Variants in ABCC12 observed in about 807,000 individuals in gnomAD.
ABCC12 encodes ATP-binding cassette sub-family C member 12.
In ABCC12, 142 loss-of-function variants were observed where a neutral mutation model predicts 151.1. The ratio of observed to expected loss-of-function variants is 0.94; its 90% CI spans 0.82 to 1.08. The LOEUF is 1.08. ABCC12 is among the 50% of genes least tolerant of loss of function. ABCC12 has a pLI of 0.00. For missense variants in ABCC12, 1,638 were observed against 1,691.1 expected (o/e 0.97, Z 0.55); for synonymous variants, 645 against 646.4 (o/e 1.00, Z 0.03).
At position 48,111,806 on chromosome 16, in the gene ABCC12, C is replaced by T. The variant is rs1465914304; in HGVS notation, c.2094G>A (p.Leu698=). The T allele has an allele frequency of 6.2e-7, 1 of 1,614,180 alleles. No individual in the cohort carries two copies. The highest frequency in any genetic ancestry group is 8.5e-7 in the Non-Finnish European group (1 of 1,180,004). Residue 698 remains leucine, a synonymous_variant, in exon 16 of 31, where the codon CTG becomes CTA. Coordinates refer to ENST00000311303, the MANE Select transcript of ABCC12 (RefSeq NM_001393797.1). ...ACTGCAATCCTCGCAGGTTGTGAATCAGTTTTGCATAGCGCCCTCTCTCCT... is the reference window on the plus strand; with the variant it reads ...ACTGCAATCCTCGCAGGTTGTGAATTAGTTTTGCATAGCGCCCTCTCTCCT... The part of the protein sequence containing the change: ...LMEERGRYAK[L]IHNLRGLQFK...
Position 48,128,664 on chromosome 16 carries a change from G to T in ABCC12, c.1310C>A (p.Ala437Glu), listed in dbSNP as rs1964320444. The change falls in exon 11 of 31, where the codon GCA becomes GAA. Residue 437 changes from alanine to glutamate, a missense_variant. Coordinates refer to ENST00000311303, the MANE Select transcript of ABCC12 (RefSeq NM_001393797.1). ...PEDPDTVLLL[A>E]NATLTWEHEA... ...ATGCTCCCATGTCAAGGTGGCATTTGCTAAAAGCAAGACAGTATCTGGGTC... is the reference window on the plus strand; with the variant it reads ...ATGCTCCCATGTCAAGGTGGCATTTTCTAAAAGCAAGACAGTATCTGGGTC... The T allele has an allele frequency of 6.2e-7, 1 of 1,614,062 alleles. No individual in the cohort carries two copies. The highest frequency in any genetic ancestry group is 8.5e-7 in the Non-Finnish European group (1 of 1,180,052).
chr16:48,111,509 T>C lies in ABCC12; in HGVS notation c.2210-2A>G, dbSNP rs755576309. On this transcript the variant is annotated splice_acceptor_variant, in intron 17 of 30. Transcript: ENST00000311303. LOFTEE classifies it high-confidence loss of function. The stretch of plus-strand genomic sequence containing the variant: ...CTTTCTCATTTCCTGGAGCCAAAAC[T>C]AGGGTGAGAAATAAAGAGAGATCTG... 1.2e-6 allele frequency: 2 copies of C among 1,614,142 alleles called. No individual in the cohort carries two copies. Among genetic ancestry groups the C allele is most frequent in the East Asian group, 2.2e-5 (1 of 44,882 alleles).
rs200002391 is a variant in ABCC12 at position 48,144,003 on chromosome 16, G to A, written c.182C>T (p.Thr61Met). ...CCGGTAGCCTTTCACCATCACCGGC[G>A]TGAGCCAGGAAAATGTGGCGAAGGA... ...LLSFATFSWL[T>M]PVMVKGYRQR... Residue 61 changes from threonine (T) to methionine (M), a missense_variant, in exon 4 of 31, where the codon ACG becomes ATG. Thr to Met is a moderately conservative substitution (Grantham distance 81). Transcript: ENST00000311303. 1.6e-4 allele frequency: 261 copies of A among 1,614,084 alleles called. No homozygotes were observed. The highest frequency in any genetic ancestry group is 6.7e-5 in the East Asian group (3 of 44,894).
chr16:48,087,797 C>T (rs1962683881), intron 27 of ABCC12, 129 bp downstream of exon 27: 4 of 1,006,900 alleles, frequency 4.0e-6, no homozygotes, highest in Non-Finnish European at 4.3e-6. Context: ...TTGTGAGCCC[C>T]CCTGGGATAC....
chr16:48,111,593 C>T lies in ABCC12; in HGVS notation c.2194G>A (p.Asp732Asn). The T allele has an allele frequency of 6.2e-7, 1 of 1,614,204 alleles. No homozygotes were observed. The highest frequency in any genetic ancestry group is 1.1e-5 in the South Asian group (1 of 91,088). Reference protein sequence around the residue: ...FKESPAEREEDAGIIVLAPGN... With the variant: ...FKESPAEREENAGIIVLAPGN... ...GGATTCTAACCGATTATACCAGCAT[C>T]TTCCTCTCTCTCAGCAGGGCTCTCC... Residue 732 changes from aspartate to asparagine, a missense_variant, in exon 17 of 31, where the codon GAT (aspartate) becomes AAT (asparagine). Asp to Asn is a conservative substitution (Grantham distance 23). Coordinates refer to ENST00000311303, the MANE Select transcript of ABCC12 (RefSeq NM_001393797.1).
intron 2 of ABCC12, among the ~76,000 whole-genome samples, chr16:48,150,461 T>C (rs1965102069): frequency 6.6e-6 from 1 of 152,198 alleles, no homozygotes; most frequent in Non-Finnish European, 1.5e-5. Context: ...ATAGCTCATA[T>C]GATAAATTGA....
chr16:48,093,033 A>G (rs1047625559), intron 24 of ABCC12, among the ~76,000 whole-genome samples: 3 of 152,120 alleles, frequency 2.0e-5, no homozygotes, highest in Non-Finnish European at 4.4e-5. Context: ...ATGGCTCTCA[A>G]CCTGCCCTAC....
chr16:48,132,528 T>A (rs1345974433), intron 9 of ABCC12, among the ~76,000 whole-genome samples: 1 of 152,182 alleles, frequency 6.6e-6, no homozygotes, highest in Non-Finnish European at 1.5e-5. Flanking sequence ...TCTCTCTCTC[T>A]CTCATTTTTT....
chr16:48,087,844 GCCCTGGGGACATCAC>G, intron 27 of ABCC12, 67 bp downstream of exon 27: 1 of 1,476,070 alleles, frequency 6.8e-7, no homozygotes, highest in East Asian at 2.3e-5. Flanking sequence ...GGCCAGCCAT[GCCCTGGGGACATCAC>G]AAAGTTCTTG....
At chr16:48,120,272 A>AGC (rs1964022487) in intron 13 of ABCC12, among the ~76,000 whole-genome samples, 1 of 152,224 alleles carries the variant, frequency 6.6e-6, no homozygotes, top group African/African-American at 2.4e-5. Flanking sequence ...AACCTTGGGT[A>AGC]TGCACAGACA....
At chr16:48,098,237 A>G (rs1597304923) in intron 23 of ABCC12, among the ~76,000 whole-genome samples, 1 of 152,194 alleles carries the variant, frequency 6.6e-6, no homozygotes, top group East Asian at 1.9e-4. Flanking sequence ...ACCATTAACC[A>G]AAAGAGACAT....
intron 29 of ABCC12, among the ~76,000 whole-genome samples, chr16:48,084,416 A>G (rs1042260174): frequency 6.6e-6 from 1 of 151,904 alleles, no homozygotes; most frequent in Non-Finnish European, 1.5e-5. Context: ...GAAGCACAGC[A>G]GCTCCTACAT....
At chr16:48,153,330 C>A (rs1163192322) in intron 2 of ABCC12, among the ~76,000 whole-genome samples, 1 of 151,908 alleles carries the variant, frequency 6.6e-6, no homozygotes, top group African/African-American at 2.4e-5. Context: ...AGTTTGAAAT[C>A]ATTACAAAAT....
At chr16:48,115,836 G>A (rs1441298684) in intron 14 of ABCC12, among the ~76,000 whole-genome samples, 1 of 152,196 alleles carries the variant, frequency 6.6e-6, no homozygotes, top group East Asian at 1.9e-4. Flanking sequence ...AGCCCAGTGG[G>A]CAGCGGCAAC....
chr16:48,132,515 T>TTC (rs546494578), intron 9 of ABCC12, among the ~76,000 whole-genome samples: 30 of 151,766 alleles, frequency 2.0e-4, no homozygotes, highest in African/African-American at 5.3e-4. Context: ...GCTTATTTCC[T>TTC]TCTCTCTCTC....
rs539587986 is a variant in ABCC12, at chr16:48,098,819, G to T, written c.3039-1917C>A. On this transcript the variant is annotated intron_variant, in intron 23 of 30. Coordinates refer to ENST00000311303, the MANE Select transcript of ABCC12 (RefSeq NM_001393797.1). Reference sequence around the variant, plus strand: ...TATTAAAAGAAGGGAACCCCCATCAGTCATTCTTGGCTCCCTATAGGATTC... The same window carrying T: ...TATTAAAAGAAGGGAACCCCCATCATTCATTCTTGGCTCCCTATAGGATTC... Among the ~76,000 whole-genome samples the T allele has an allele frequency of 9.2e-5, 14 of 152,370 alleles. No homozygotes were observed. In the East Asian group the frequency reaches 2.5e-3, roughly 27 times the overall value.
chr16:48,105,899 C>G (rs1208028128), intron 20 of ABCC12, among the ~76,000 whole-genome samples: 1 of 152,130 alleles, frequency 6.6e-6, no homozygotes, highest in Non-Finnish European at 1.5e-5. Flanking sequence ...GGGTACTGCC[C>G]TGGGATCTTT....
chr16:48,153,563 C>T (rs1965144081), intron 2 of ABCC12, 53 bp downstream of exon 2: 1 of 152,262 alleles, frequency 6.6e-6, no homozygotes. Flanking sequence ...CCAGGCTAAT[C>T]TTTCCCAGCC....
rs557631253 is a variant in ABCC12 at position 48,110,072 on chromosome 16, G to A, written c.2281+1364C>T. Among the ~76,000 whole-genome samples the A allele has an allele frequency of 3.0e-3, 459 of 152,308 alleles. 1 individual carries two copies. The highest frequency in any genetic ancestry group is 0.011 in the African/African-American group (446 of 41,578). ...CTCTCTCCACGGGACCCCAAATCCC[G>A]GGCAGCCTGAAGGTTTCTCCAAAAA... On this transcript the variant is annotated intron_variant, in intron 18 of 30. Coordinates refer to ENST00000311303, the MANE Select transcript of ABCC12 (RefSeq NM_001393797.1).
Sources: allele counts gnomAD v4.1 joint callset (sites outside exome capture counted in the v4.1 genomes callset), GRCh38; gene constraint gnomAD v4.1.1; transcripts MANE v1.5; gene names NCBI Gene and HGNC (gene_info 2026-07-23, HGNC 2026-07-21).